MAP4K3: variants seen among roughly 807,000 people sequenced by gnomAD.
MAP4K3 encodes mitogen-activated protein kinase kinase kinase kinase 3, also known as MAPK/ERK kinase kinase kinase 3.
A neutral mutation model predicts 143.5 loss-of-function variants in MAP4K3; 94 were observed. That is an observed-to-expected ratio of 0.65 (90% CI 0.55 to 0.78). The LOEUF (loss-of-function observed/expected upper bound fraction) is 0.78. Ranked by LOEUF, MAP4K3 falls within the 30% of genes least tolerant of loss-of-function variation. MAP4K3 has a pLI of 0.00. For synonymous variants in MAP4K3, 416 were observed against 347.2 expected (o/e 1.20, Z -2.20); for missense variants, 1,077 against 1,068.1 (o/e 1.01, Z -0.12).
intron 4 of MAP4K3, among the ~76,000 whole-genome samples, chr2:39,339,674 C>G (rs1665086625): frequency 1.3e-5 from 2 of 152,138 alleles, no homozygotes; most frequent in South Asian, 4.1e-4. Flanking sequence ...ACGACGATAA[C>G]TAGGGATTTT....
intron 16 of MAP4K3, among the ~76,000 whole-genome samples, chr2:39,299,446 A>G (rs934187084): frequency 6.6e-6 from 1 of 152,238 alleles, no homozygotes; most frequent in African/African-American, 2.4e-5. Flanking sequence ...TAAACAGATC[A>G]GTTTTAGAAA....
At chr2:39,428,618 G>A (rs1665173669) in intron 1 of MAP4K3, among the ~76,000 whole-genome samples, 2 of 151,916 alleles carry the variant, frequency 1.3e-5, no homozygotes, top group Admixed American at 6.6e-5. Context: ...AGAGGTTGCA[G>A]TGAGCTGAGA....
chr2:39,364,402 GT>G (rs1157241763), intron 2 of MAP4K3, among the ~76,000 whole-genome samples: 1 of 152,178 alleles, frequency 6.6e-6, no homozygotes, highest in East Asian at 1.9e-4. Context: ...CATGTGACGT[GT>G]TTTTACCACC....
chr2:39,299,643 C>G, intron 16 of MAP4K3, 100 bp downstream of exon 16: 1 of 530,620 alleles, frequency 1.9e-6, no homozygotes, highest in Non-Finnish European at 3.1e-6. Flanking sequence ...ATATATCTAC[C>G]AGCCTAATAC....
chr2:39,315,247 T>C (rs1683073117), intron 13 of MAP4K3, 63 bp downstream of exon 13: 3 of 1,168,828 alleles, frequency 2.6e-6, no homozygotes, highest in African/African-American at 1.6e-5. Context: ...CAAAAATAAC[T>C]GTAACTAAAT....
intron 2 of MAP4K3, among the ~76,000 whole-genome samples, chr2:39,366,443 TCTTCA>T (rs1418675096): frequency 1.3e-5 from 2 of 152,234 alleles, no homozygotes; most frequent in Non-Finnish European, 2.9e-5. Flanking sequence ...AGTAGGCGTC[TCTTCA>T]GACGTAAATG....
At chr2:39,417,267 T>C (rs1486872367) in intron 1 of MAP4K3, among the ~76,000 whole-genome samples, 5 of 151,320 alleles carry the variant, frequency 3.3e-5, no homozygotes, top group African/African-American at 1.2e-4. Flanking sequence ...TCGCCCAGGC[T>C]GGAGGGCAGT....
intron 2 of MAP4K3, among the ~76,000 whole-genome samples, chr2:39,359,807 A>G (rs1321595480): frequency 6.6e-6 from 1 of 152,202 alleles, no homozygotes; most frequent in Non-Finnish European, 1.5e-5. Context: ...GGCCCCTTTT[A>G]GCCACGGCTG....
Position 39,254,473 on chromosome 2 carries a change from C to G in MAP4K3, c.2518G>C (p.Gly840Arg), listed in dbSNP as rs765966159. The change falls in exon 32 of 34, where the codon GGT becomes CGT. Residue 840 changes from glycine (G) to arginine (R), a missense_variant. Transcript: ENST00000263881. The stretch of plus-strand genomic sequence containing the variant: ...ACCTCATTAGATCTAAAACTTCTAC[C>G]TTGCATTCCATGTTTCCAGAAAGCT... ...VLAFWKHGMQ[G>R]RSFRSNEVTQ... is the part of the protein sequence containing the mutation. 6.2e-7 allele frequency: 1 copy of G among 1,613,820 alleles called. No homozygotes were observed. The highest frequency in any genetic ancestry group is 8.5e-7 in the Non-Finnish European group (1 of 1,179,832).
At chr2:39,323,671 T>A (rs751978507) in intron 12 of MAP4K3, 3 of 151,942 alleles carry the variant, frequency 2.0e-5, no homozygotes, top group African/African-American at 7.3e-5. Context: ...TAGAAAGCAA[T>A]ATGACAATTT....
intron 1 of MAP4K3, among the ~76,000 whole-genome samples, chr2:39,408,494 T>C (rs779133481): frequency 2.0e-5 from 3 of 152,150 alleles, no homozygotes; most frequent in Non-Finnish European, 4.4e-5. Context: ...TGAAGATATA[T>C]TGCTGTTACA....
intron 24 of MAP4K3, among the ~76,000 whole-genome samples, chr2:39,274,942 C>A (rs138952832): frequency 6.6e-6 from 1 of 152,174 alleles, no homozygotes. Context: ...TTAGTAGGCT[C>A]ACGCCACCCT....
chr2:39,402,916 TATAA>T (rs1274859880), intron 1 of MAP4K3, among the ~76,000 whole-genome samples: 2 of 152,068 alleles, frequency 1.3e-5, no homozygotes, highest in Non-Finnish European at 1.5e-5. Flanking sequence ...GAGAAAATAT[TATAA>T]ATAATTTTAT....
At chr2:39,431,032 T>C (rs1665267626) in intron 1 of MAP4K3, among the ~76,000 whole-genome samples, 2 of 152,208 alleles carry the variant, frequency 1.3e-5, no homozygotes, top group African/African-American at 2.4e-5. Context: ...TTCTAGGCTC[T>C]GGGGATACAG....
chr2:39,368,095 G>A (rs7595047), intron 2 of MAP4K3, among the ~76,000 whole-genome samples: 8,523 of 152,042 alleles, frequency 0.056, 439 homozygotes, highest in African/African-American at 0.13. Context: ...CTGATGGAAG[G>A]CCCAAAATAA....
chr2:39,437,218 G>A lies in MAP4K3; in HGVS notation c.-231C>T, dbSNP rs1665524620. 3 of 320,982 alleles carry A rather than the reference G, an allele frequency of 9.3e-6. No homozygotes were observed. Among genetic ancestry groups the A allele is most frequent in the Non-Finnish European group, 1.7e-5 (3 of 178,740 alleles). The allele number at this position is 320,982 out of a possible 1,614,324, so 19.9% of individuals were successfully genotyped here. ...GCGGCCCGCCGCCGCGCCGAACCTG[G>A]TCACACCCACAAGGAGAGGAGAACC... On this transcript the variant is annotated 5_prime_UTR_variant, in exon 1 of 34. Coordinates refer to ENST00000263881, the MANE Select transcript of MAP4K3 (RefSeq NM_003618.4).
chr2:39,409,225 A>G (rs966810602), intron 1 of MAP4K3, among the ~76,000 whole-genome samples: 9 of 152,222 alleles, frequency 5.9e-5, no homozygotes, highest in Non-Finnish European at 8.8e-5. Context: ...ACTATATTGT[A>G]AGAATATAAT....
intron 2 of MAP4K3, among the ~76,000 whole-genome samples, chr2:39,366,686 A>G (rs1374093892): frequency 6.6e-6 from 1 of 152,198 alleles, no homozygotes; most frequent in Non-Finnish European, 1.5e-5. Flanking sequence ...TTTGGTTTAC[A>G]CAGTAATCTA....
At chr2:39,309,548 ATTTTTTT>A (rs749101883) in intron 13 of MAP4K3, 29 bp from the exon 14 acceptor site, 216 of 339,300 alleles carry the variant, frequency 6.4e-4, no homozygotes, top group East Asian at 2.0e-3. Flanking sequence ...TAAAACCAGG[ATTTTTTT>A]TTTTTTTTTT....
Sources: gnomAD v4.1 joint callset for allele counts (sites outside exome capture counted in the v4.1 genomes callset) on GRCh38, gnomAD v4.1.1 for gene constraint, MANE v1.5 for transcripts, NCBI Gene and HGNC (gene_info 2026-07-23, HGNC 2026-07-21) for gene names.